Variants in DYNC2I1 observed in about 807,000 individuals in gnomAD.
DYNC2I1 encodes dynein 2 intermediate chain 1, also known as cytoplasmic dynein 2 intermediate chain 1.
A neutral mutation model predicts 133.4 loss-of-function variants in DYNC2I1; 89 were observed. The ratio of observed to expected loss-of-function variants is 0.67; its 90% CI spans 0.56 to 0.80. The LOEUF (loss-of-function observed/expected upper bound fraction) is 0.80. Ranked by LOEUF, DYNC2I1 falls within the 30% of genes least tolerant of loss-of-function variation. The pLI, the probability that DYNC2I1 is intolerant of heterozygous loss-of-function variation, is 0.00. For missense variants in DYNC2I1, 1,291 were observed against 1,314.5 expected, an observed-to-expected ratio of 0.98 and a Z score of 0.28; for synonymous variants, 504 against 484.3, an observed-to-expected ratio of 1.04 and a Z score of -0.54.
intron 19 of DYNC2I1, 23 bp from the exon 20 acceptor site, chr7:158,926,969 C>T (rs1254636219): frequency 1.3e-6 from 2 of 1,557,696 alleles, no homozygotes; most frequent in Non-Finnish European, 8.8e-7. Flanking sequence ...TATCAATATT[C>T]ATTTTCAATA....
chr7:158,858,675 T>C (rs1379592636), intron 1 of DYNC2I1, among the ~76,000 whole-genome samples: 2 of 152,120 alleles, frequency 1.3e-5, no homozygotes, highest in Non-Finnish European at 2.9e-5. Flanking sequence ...ACAAATTGTT[T>C]TCTAGACATG....
At chr7:158,891,998 C>CG (rs1253935183) in intron 8 of DYNC2I1, among the ~76,000 whole-genome samples, 1 of 152,004 alleles carries the variant, frequency 6.6e-6, no homozygotes, top group Non-Finnish European at 1.5e-5. Flanking sequence ...GGGCTCTCCT[C>CG]GGGGCAGGTG....
chr7:158,877,314 G>A (rs914662443), intron 4 of DYNC2I1, among the ~76,000 whole-genome samples: 6 of 152,058 alleles, frequency 3.9e-5, no homozygotes, highest in Non-Finnish European at 5.9e-5. Flanking sequence ...TTTGCGGTGC[G>A]GGTGTGTTGG....
intron 1 of DYNC2I1, among the ~76,000 whole-genome samples, chr7:158,861,201 T>A (rs903605901): frequency 6.6e-6 from 1 of 152,240 alleles, no homozygotes; most frequent in African/African-American, 2.4e-5. Context: ...TCTGTCCTTT[T>A]GAGATGTCTC....
In DYNC2I1 at chr7:158,926,318, T is replaced by G. The variant is rs780470687; in HGVS notation, c.2371+18T>G. The G allele has an allele frequency of 6.2e-7, 1 of 1,606,012 alleles. No homozygotes were observed. Among genetic ancestry groups the G allele is most frequent in the Non-Finnish European group, 8.5e-7 (1 of 1,175,672 alleles). ...TCAAGAAGGTACGTGATTCTTCACT[T>G]TCTTAAAATCCTTCATCAATGGTTG... is the stretch of plus-strand genomic sequence containing the variant. On this transcript the variant is annotated intron_variant, in intron 18 of 24. Coordinates refer to ENST00000407559, the MANE Select transcript of DYNC2I1 (RefSeq NM_018051.5).
At chr7:158,876,483 G>A (rs191859849) in intron 3 of DYNC2I1, 126 bp from the exon 4 acceptor site, 2 of 1,247,852 alleles carry the variant, frequency 1.6e-6, no homozygotes, top group African/African-American at 3.1e-5. Flanking sequence ...TGTTTTAGTT[G>A]AAGAATATTT....
chr7:158,864,771 G>A (rs1842251961), intron 1 of DYNC2I1, among the ~76,000 whole-genome samples: 1 of 152,154 alleles, frequency 6.6e-6, no homozygotes, highest in Non-Finnish European at 1.5e-5. Flanking sequence ...CTAGCAAAGT[G>A]TTAGGATTAC....
intron 4 of DYNC2I1, among the ~76,000 whole-genome samples, chr7:158,878,853 T>A (rs368882422): frequency 0.12 from 5,212 of 43,466 alleles, no homozygotes; most frequent in Middle Eastern, 0.26. Context: ...CCATGTGGGG[T>A]GGCCAGGAGG....
intron 14 of DYNC2I1, among the ~76,000 whole-genome samples, chr7:158,917,123 C>CGT: frequency 7.3e-6 from 1 of 136,962 alleles, no homozygotes; most frequent in African/African-American, 2.8e-5. Context: ...GATTGTGAAA[C>CGT]CTCGACACGC....
intron 8 of DYNC2I1, among the ~76,000 whole-genome samples, chr7:158,893,246 TC>T (rs1333309184): frequency 6.6e-6 from 1 of 152,068 alleles, no homozygotes; most frequent in African/African-American, 2.4e-5. Context: ...ATCCCTCCCT[TC>T]CCCCTTATTC....
intron 17 of DYNC2I1, 43 bp downstream of exon 17, chr7:158,923,776 C>T: frequency 1.3e-6 from 2 of 1,579,368 alleles, no homozygotes; most frequent in Non-Finnish European, 1.7e-6. Flanking sequence ...GCTAGAAAAG[C>T]CACACGGATT....
chr7:158,886,573 A>C (rs1844625506), intron 6 of DYNC2I1, among the ~76,000 whole-genome samples: 1 of 152,206 alleles, frequency 6.6e-6, no homozygotes, highest in Non-Finnish European at 1.5e-5. Context: ...TTGCTCTAAT[A>C]AAACATGCTT....
At chr7:158,922,691 C>T (rs376144739) in intron 16 of DYNC2I1, 142 bp downstream of exon 16, 1 of 771,002 alleles carries the variant, frequency 1.3e-6, no homozygotes, top group South Asian at 1.8e-5. Flanking sequence ...CTGTCTCTCA[C>T]AGCTGGCCTC....
intron 10 of DYNC2I1, chr7:158,904,223 T>C (rs1210696063): frequency 6.6e-6 from 1 of 152,264 alleles, no homozygotes; most frequent in African/African-American, 2.4e-5. Flanking sequence ...AGACTTTCTT[T>C]AGGGTTGTTG....
intron 11 of DYNC2I1, among the ~76,000 whole-genome samples, chr7:158,910,637 T>C (rs1847339351): frequency 6.6e-6 from 1 of 150,586 alleles, no homozygotes; most frequent in Admixed American, 6.6e-5. Context: ...GTGTCAGGCC[T>C]GTGGGCCGAG....
At chr7:158,927,645 G>A (rs1435706805) in intron 20 of DYNC2I1, among the ~76,000 whole-genome samples, 10 of 151,652 alleles carry the variant, frequency 6.6e-5, no homozygotes, top group Non-Finnish European at 1.5e-4. Flanking sequence ...TCTGCCTCCT[G>A]GGTTCAAGCA....
chr7:158,887,108 T>C (rs762567307), intron 7 of DYNC2I1, 33 bp downstream of exon 7: 46 of 1,596,910 alleles, frequency 2.9e-5, no homozygotes, highest in Non-Finnish European at 3.8e-5. Flanking sequence ...TACATTGATT[T>C]TATGGTACAT....
At chr7:158,850,486 A>G in the DYNC2I1 span, among the ~76,000 whole-genome samples, 1 of 152,230 alleles carries the variant, frequency 6.6e-6, no homozygotes, top group Non-Finnish European at 1.5e-5. Flanking sequence ...CGCAGTGTGC[A>G]GCCCCAGCCA....
At chr7:158,936,153 T>G (rs1850725569) in intron 23 of DYNC2I1, among the ~76,000 whole-genome samples, 1 of 152,208 alleles carries the variant, frequency 6.6e-6, no homozygotes, top group Non-Finnish European at 1.5e-5. Context: ...ATAGTGCCAT[T>G]GCACTCAGCC....
Sources: gnomAD v4.1 joint callset for allele counts (sites outside exome capture counted in the v4.1 genomes callset) on GRCh38, gnomAD v4.1.1 for gene constraint, MANE v1.5 for transcripts, NCBI Gene and HGNC (gene_info 2026-07-23, HGNC 2026-07-21) for gene names.